SLIT2: variants seen among roughly 807,000 people sequenced by gnomAD.
SLIT2 encodes the protein slit guidance ligand 2, also known as slit homolog 2 protein.
In SLIT2, 41 loss-of-function variants were observed where a neutral mutation model predicts 185.7. The observed-to-expected ratio is 0.22, with a 90% CI of 0.17 to 0.29. The LOEUF (loss-of-function observed/expected upper bound fraction) is 0.29. Ranked by LOEUF, SLIT2 falls within the 10% of genes least tolerant of loss-of-function variation. The probability of loss-of-function intolerance (pLI) is 1.00; values close to 1 mark genes in which losing one functional copy is unlikely to be tolerated. For synonymous variants in SLIT2, 693 were observed against 680.2 expected (o/e 1.02, Z -0.29); for missense variants, 1,571 against 1,909.0 (o/e 0.82, Z 3.30).
chr4:20,389,248 A>G (rs980256853), intron 4 of SLIT2, among the ~76,000 whole-genome samples: 1 of 151,846 alleles, frequency 6.6e-6, no homozygotes, highest in Non-Finnish European at 1.5e-5. Context: ...TATCATCAAT[A>G]TATTATTGTA....
chr4:20,546,554 T>C (rs1723267268), intron 22 of SLIT2, among the ~76,000 whole-genome samples: 1 of 152,290 alleles, frequency 6.6e-6, no homozygotes, highest in Middle Eastern at 3.4e-3. Flanking sequence ...AAATAAGTTA[T>C]GGGTTTCCAG....
chr4:20,588,312 T>C (rs759204590), intron 29 of SLIT2, among the ~76,000 whole-genome samples: 5 of 152,212 alleles, frequency 3.3e-5, no homozygotes, highest in Non-Finnish European at 7.3e-5. Context: ...TTAATTTGCA[T>C]CACGGGAAAA....
chr4:20,605,133 C>A (rs1192864348), intron 33 of SLIT2, among the ~76,000 whole-genome samples: 1 of 152,100 alleles, frequency 6.6e-6, no homozygotes, highest in Non-Finnish European at 1.5e-5. Flanking sequence ...CGCACCCAGC[C>A]CAGATACTTT....
chr4:20,376,646 T>C lies in SLIT2; in HGVS notation c.396-91106T>C, dbSNP rs116636175. Among the ~76,000 whole-genome samples the C allele has an allele frequency of 1.7e-3, 252 of 152,284 alleles. 1 individual carries two copies. Among genetic ancestry groups the C allele is most frequent in the African/African-American group, 5.8e-3 (243 of 41,558 alleles). ...CTTATCTTTACATATGCATCTTCTT[T>C]ACTCGACTATAAACTCTGTAAGAAG... On this transcript the variant is annotated intron_variant, in intron 4 of 36. Transcript: ENST00000504154.
At chr4:20,308,081 A>G (rs1175795978) in intron 4 of SLIT2, among the ~76,000 whole-genome samples, 1 of 152,190 alleles carries the variant, frequency 6.6e-6, no homozygotes, top group Admixed American at 6.5e-5. Context: ...TCCTATGGCT[A>G]CCAGGCCAGG....
chr4:20,331,497 A>G (rs1225148745), intron 4 of SLIT2, among the ~76,000 whole-genome samples: 1 of 151,798 alleles, frequency 6.6e-6, no homozygotes, highest in Non-Finnish European at 1.5e-5. Context: ...TCAAATAGTA[A>G]TTACAGATAA....
chr4:20,496,527 G>A (rs766726856), intron 9 of SLIT2, among the ~76,000 whole-genome samples: 2 of 152,102 alleles, frequency 1.3e-5, no homozygotes, highest in Non-Finnish European at 2.9e-5. Context: ...TCTCCAACAG[G>A]CCTCATTATA....
At chr4:20,443,647 A>G (rs1382720101) in intron 4 of SLIT2, among the ~76,000 whole-genome samples, 1 of 150,202 alleles carries the variant, frequency 6.7e-6, no homozygotes, top group African/African-American at 2.5e-5. Context: ...GCTTTATAAC[A>G]ATGATTACCT....
intron 28 of SLIT2, among the ~76,000 whole-genome samples, chr4:20,568,554 G>A (rs1435939928): frequency 3.3e-5 from 5 of 151,908 alleles, no homozygotes; most frequent in Admixed American, 3.3e-4. Context: ...AGATATCTAG[G>A]GCTGTGGAAT....
At position 20,567,271 on chromosome 4, in the gene SLIT2, A is replaced by G. The variant is rs777747678; in HGVS notation, c.2735A>G (p.Asp912Gly). The change falls in exon 27 of 37, where the codon GAT (aspartate) becomes GGT (glycine). Residue 912 changes from aspartate (D) to glycine (G), a missense_variant. Asp to Gly is a moderately conservative substitution (Grantham distance 94). Coordinates refer to ENST00000504154, the MANE Select transcript of SLIT2 (RefSeq NM_004787.4). ...SKKFTCQGPV[D>G]VNILAKCNPC... Reference sequence around the variant, plus strand: ...TTGAATTAATTTTCAGGTCCTGTGGATGTCAATATTCTAGCTAAGTGTAAC... The same window carrying G: ...TTGAATTAATTTTCAGGTCCTGTGGGTGTCAATATTCTAGCTAAGTGTAAC... The G allele has an allele frequency of 6.2e-6, 10 of 1,606,830 alleles. No individual in the cohort carries two copies. In the Admixed American group the frequency reaches 8.6e-5, roughly 14 times the overall value.
rs548867879 is a variant in SLIT2 at position 20,380,988 on chromosome 4, C to T, written c.396-86764C>T. On this transcript the variant is annotated intron_variant, in intron 4 of 36. Coordinates refer to ENST00000504154, the MANE Select transcript of SLIT2 (RefSeq NM_004787.4). ...AAAATTGCTGGCTGGGTGTGATGGC[C>T]CACTCCTGTAATCCCAGCACTTTGG... Among the ~76,000 whole-genome samples the T allele has an allele frequency of 5.7e-4, 87 of 152,084 alleles. No homozygotes were observed. The South Asian group carries it at 0.015, about 25-fold the overall frequency.
At chr4:20,577,180 C>T (rs1332953074) in intron 29 of SLIT2, among the ~76,000 whole-genome samples, 1 of 152,260 alleles carries the variant, frequency 6.6e-6, no homozygotes, top group African/African-American at 2.4e-5. Context: ...TCACTTCTCA[C>T]ATTCCAAGAA....
intron 34 of SLIT2, among the ~76,000 whole-genome samples, chr4:20,612,103 C>T (rs1729267318): frequency 6.6e-6 from 1 of 151,954 alleles, no homozygotes; most frequent in Non-Finnish European, 1.5e-5. Context: ...GGGGGCTGGG[C>T]ATGGTGGCTC....
intron 12 of SLIT2, 38 bp downstream of exon 12, chr4:20,519,491 A>T (rs536765272): frequency 4.1e-6 from 5 of 1,205,656 alleles, no homozygotes; most frequent in Admixed American, 1.9e-5. Context: ...CGAGCCTAAT[A>T]ATATATATTA....
intron 26 of SLIT2, among the ~76,000 whole-genome samples, chr4:20,566,859 A>T (rs752852631): frequency 1.3e-5 from 2 of 151,972 alleles, no homozygotes; most frequent in African/African-American, 2.4e-5. Context: ...TGCTCACCCC[A>T]CACCACACCC....
At chr4:20,494,993 G>A (rs927482505) in intron 9 of SLIT2, among the ~76,000 whole-genome samples, 1 of 152,092 alleles carries the variant, frequency 6.6e-6, no homozygotes, top group Non-Finnish European at 1.5e-5. Flanking sequence ...GGGAGGAAGA[G>A]ACTTCTAGGA....
At chr4:20,615,192 C>T (rs914734310) in intron 34 of SLIT2, 4 of 152,184 alleles carry the variant, frequency 2.6e-5, no homozygotes, top group Non-Finnish European at 5.9e-5. Context: ...ATTAGAAAAA[C>T]TTACCCCAGG....
chr4:20,606,104 T>C (rs1482981094), intron 33 of SLIT2, among the ~76,000 whole-genome samples: 1 of 152,154 alleles, frequency 6.6e-6, no homozygotes, highest in African/African-American at 2.4e-5. Context: ...CATCCTCCAG[T>C]TTATCTCATG....
intron 4 of SLIT2, among the ~76,000 whole-genome samples, chr4:20,429,948 A>G (rs751854935): frequency 1.3e-5 from 2 of 152,210 alleles, no homozygotes; most frequent in Non-Finnish European, 2.9e-5. Context: ...ATGATGTTCT[A>G]AATAAATAAG....
Sources: allele counts gnomAD v4.1 joint callset (sites outside exome capture counted in the v4.1 genomes callset), GRCh38; gene constraint gnomAD v4.1.1; transcripts MANE v1.5; gene names NCBI Gene and HGNC (gene_info 2026-07-23, HGNC 2026-07-21).